Variants in MAD1L1 observed in about 807,000 individuals in gnomAD.
The protein encoded by MAD1L1 is mitotic arrest deficient 1 like 1.
Under a neutral mutation model 96.9 loss-of-function variants are expected in MAD1L1, and 95 were observed. That is an observed-to-expected ratio of 0.98 (90% confidence interval 0.83 to 1.16). The LOEUF (loss-of-function observed/expected upper bound fraction) is 1.16. MAD1L1 is among the 50% of genes most tolerant of loss of function. MAD1L1 has a pLI of 0.00. For missense variants in MAD1L1, 1,007 were observed against 954.4 expected, an observed-to-expected ratio of 1.06 and a Z score of -0.73; for synonymous variants, 473 against 396.6, an observed-to-expected ratio of 1.19 and a Z score of -2.29.
chr7:1,867,557 G>A (rs1784836809), intron 18 of MAD1L1, among the ~76,000 whole-genome samples: 1 of 152,238 alleles, frequency 6.6e-6, no homozygotes, highest in African/African-American at 2.4e-5. Flanking sequence ...GAGCGAGGTG[G>A]GCCATGGGGC....
chr7:2,232,366 T>C (rs1389241309), intron 1 of MAD1L1, among the ~76,000 whole-genome samples: 16 of 152,220 alleles, frequency 1.1e-4, no homozygotes, highest in Admixed American at 5.9e-4. Flanking sequence ...AGGGTGGCCC[T>C]TGCCATCCCC....
chr7:1,857,119 G>C (rs529454979), intron 18 of MAD1L1, among the ~76,000 whole-genome samples: 1 of 152,196 alleles, frequency 6.6e-6, no homozygotes, highest in Non-Finnish European at 1.5e-5. Context: ...CCGAGGCTCT[G>C]GGAACCTCCA....
intron 14 of MAD1L1, among the ~76,000 whole-genome samples, chr7:1,988,375 A>G (rs1781257070): frequency 6.6e-6 from 1 of 152,124 alleles, no homozygotes; most frequent in Non-Finnish European, 1.5e-5. Flanking sequence ...CACCACAGGG[A>G]CCTGAGGCCC....
chr7:1,852,966 G>C (rs529436637), intron 18 of MAD1L1, among the ~76,000 whole-genome samples: 165 of 152,348 alleles, frequency 1.1e-3, no homozygotes, highest in Middle Eastern at 6.8e-3. Context: ...CACGCACCAA[G>C]CACTGAGCAC....
At chr7:2,125,016 T>G (rs559844722) in intron 11 of MAD1L1, among the ~76,000 whole-genome samples, 1 of 152,288 alleles carries the variant, frequency 6.6e-6, no homozygotes, top group East Asian at 1.9e-4. Context: ...GTTCCTGCTC[T>G]GCATCCCGGG....
intron 13 of MAD1L1, among the ~76,000 whole-genome samples, chr7:2,004,691 G>T (rs1781952576): frequency 6.6e-6 from 1 of 152,228 alleles, no homozygotes; most frequent in Non-Finnish European, 1.5e-5. Context: ...ACGCGGGCAG[G>T]CTGCAGGCAT....
chr7:1,933,365 C>A (rs1435098111), intron 17 of MAD1L1, among the ~76,000 whole-genome samples: 2 of 152,164 alleles, frequency 1.3e-5, no homozygotes, highest in Non-Finnish European at 2.9e-5. Flanking sequence ...GTCTTTCCAC[C>A]ATAGCCTACA....
chr7:1,920,425 T>C (rs1276262770), intron 17 of MAD1L1, among the ~76,000 whole-genome samples: 2 of 152,130 alleles, frequency 1.3e-5, no homozygotes, highest in African/African-American at 2.4e-5. Flanking sequence ...TCACACTGTG[T>C]TGTGGACCCA....
chr7:1,917,750 C>A (rs779837280), intron 17 of MAD1L1, among the ~76,000 whole-genome samples: 3 of 152,174 alleles, frequency 2.0e-5, no homozygotes, highest in Non-Finnish European at 4.4e-5. Flanking sequence ...GCTGCCCGGG[C>A]GTGTGGCCGT....
intron 12 of MAD1L1, among the ~76,000 whole-genome samples, chr7:2,019,468 G>C (rs1782684517): frequency 6.6e-6 from 1 of 152,248 alleles, no homozygotes; most frequent in Non-Finnish European, 1.5e-5. Context: ...CCTTGGGCAA[G>C]GGACCTAACG....
intron 16 of MAD1L1, among the ~76,000 whole-genome samples, chr7:1,952,177 G>C (rs1245070093): frequency 6.6e-6 from 1 of 152,218 alleles, no homozygotes; most frequent in Non-Finnish European, 1.5e-5. Context: ...TTCAGCCCTT[G>C]TGGGCAGAAC....
intron 11 of MAD1L1, among the ~76,000 whole-genome samples, chr7:2,069,552 C>T (rs998125966): frequency 1.3e-5 from 2 of 152,290 alleles, no homozygotes; most frequent in African/African-American, 2.4e-5. Context: ...TCCCAGAACA[C>T]GGCAGGGAGG....
chr7:2,002,893 A>G (rs1015965851), intron 13 of MAD1L1, among the ~76,000 whole-genome samples: 1 of 141,850 alleles, frequency 7.0e-6, no homozygotes, highest in Admixed American at 7.2e-5. Context: ...TGCGGTTCCT[A>G]CCTTCCCCCA....
intron 10 of MAD1L1, among the ~76,000 whole-genome samples, chr7:2,171,161 A>T (rs1790687744): frequency 6.6e-6 from 1 of 152,188 alleles, no homozygotes; most frequent in African/African-American, 2.4e-5. Context: ...GAATCCTAAT[A>T]ATCTGCTGAA....
intron 16 of MAD1L1, among the ~76,000 whole-genome samples, chr7:1,953,612 C>T (rs1392909018): frequency 6.6e-6 from 1 of 152,248 alleles, no homozygotes; most frequent in Non-Finnish European, 1.5e-5. Context: ...ACTTAAAGCG[C>T]GTCAGAAGAA....
intron 18 of MAD1L1, among the ~76,000 whole-genome samples, chr7:1,876,773 C>A (rs1785406521): frequency 1.3e-5 from 2 of 150,488 alleles, no homozygotes; most frequent in Admixed American, 1.3e-4. Flanking sequence ...CTCCTACCCC[C>A]AGAAGGTGAT....
At chr7:2,185,852 T>C (rs1791436071) in intron 10 of MAD1L1, among the ~76,000 whole-genome samples, 2 of 152,206 alleles carry the variant, frequency 1.3e-5, no homozygotes, top group South Asian at 4.1e-4. Flanking sequence ...ACCCCCAGCC[T>C]ACCTGTTCAG....
intron 9 of MAD1L1, among the ~76,000 whole-genome samples, chr7:2,215,398 C>T (rs1222410516): frequency 6.6e-6 from 1 of 151,274 alleles, no homozygotes; most frequent in Admixed American, 6.6e-5. Flanking sequence ...AAAAAAAAGC[C>T]CACAAATGTA....
intron 4 of MAD1L1, among the ~76,000 whole-genome samples, chr7:2,224,362 ACCCACCCAGGCCATGAGCAAACGC>A (rs1309005552): frequency 6.6e-6 from 1 of 151,982 alleles, no homozygotes; most frequent in Non-Finnish European, 1.5e-5. Context: ...CCCTCCTAGG[ACCCACCCAGGCCATGAGCAAACGC>A]CCCACCTCTC....
Sources: gnomAD v4.1 joint callset for allele counts (sites outside exome capture counted in the v4.1 genomes callset) on GRCh38, gnomAD v4.1.1 for gene constraint, MANE v1.5 for transcripts, NCBI Gene and HGNC (gene_info 2026-07-23, HGNC 2026-07-21) for gene names.